Variants in MKLN1 observed in about 807,000 individuals in gnomAD.
MKLN1 encodes muskelin 1.
Under a neutral mutation model 99.0 loss-of-function variants are expected in MKLN1, and 18 were observed. The observed-to-expected ratio is 0.18, with a 90% CI of 0.13 to 0.27. The LOEUF is 0.27. Ranked by LOEUF, MKLN1 falls within the 10% of genes least tolerant of loss-of-function variation. The pLI is 1.00. For synonymous variants in MKLN1, 288 were observed against 293.2 expected (o/e 0.98, Z 0.18); for missense variants, 621 against 875.9 (o/e 0.71, Z 3.67).
At chr7:131,156,120 G>A (rs1049552958) in intron 2 of MKLN1, among the ~76,000 whole-genome samples, 7 of 152,168 alleles carry the variant, frequency 4.6e-5, no homozygotes, top group Non-Finnish European at 8.8e-5. Context: ...TGTTAGGGAT[G>A]CAAAAGTCAT....
At chr7:131,350,762 C>T (rs974642676) in intron 1 of MKLN1, among the ~76,000 whole-genome samples, 2 of 152,136 alleles carry the variant, frequency 1.3e-5, no homozygotes, top group Non-Finnish European at 2.9e-5. Context: ...GCCATATTCT[C>T]TTCATTAAAA....
At chr7:131,401,284 AC>A (rs1794535901) in intron 6 of MKLN1, among the ~76,000 whole-genome samples, 1 of 152,168 alleles carries the variant, frequency 6.6e-6, no homozygotes, top group South Asian at 2.1e-4. Context: ...TAGAAACATC[AC>A]TGTATTTACA....
At position 131,146,399 on chromosome 7, in the gene MKLN1, G is replaced by A. The variant is rs146252764; in HGVS notation, c.-297+3458G>A. 1.5e-4 allele frequency among the ~76,000 whole-genome samples: 23 copies of A among 152,242 alleles called. 1 individual carries two copies. The highest frequency in any genetic ancestry group is 5.1e-4 in the African/African-American group (21 of 41,550). On this transcript the variant is annotated intron_variant, in intron 2 of 7. Transcript: ENST00000416992. ...TAAGGACTTTCACTTCTAGAAAGCC[G>A]TTCTTTCCCACCTTGAGATCCTATC... is the stretch of plus-strand genomic sequence containing the variant.
At chr7:131,154,009 T>C (rs1416199123) in intron 2 of MKLN1, among the ~76,000 whole-genome samples, 1 of 151,978 alleles carries the variant, frequency 6.6e-6, no homozygotes, top group African/African-American at 2.4e-5. Flanking sequence ...ATCTGTAGGA[T>C]ATATTACAAA....
At chr7:131,374,679 C>T (rs916809724) in intron 1 of MKLN1, among the ~76,000 whole-genome samples, 100 of 152,164 alleles carry the variant, frequency 6.6e-4, no homozygotes, top group African/African-American at 2.2e-3. Context: ...AGTGAAAAAG[C>T]GGTCTTCTAA....
At chr7:131,144,364 C>T (rs1795785567) in intron 2 of MKLN1, among the ~76,000 whole-genome samples, 1 of 151,324 alleles carries the variant, frequency 6.6e-6, no homozygotes, top group African/African-American at 2.4e-5. Flanking sequence ...CGCCTGTAGT[C>T]CCAGCTACTC....
At chr7:131,178,990 G>A (rs1563242667) in intron 2 of MKLN1, among the ~76,000 whole-genome samples, 1 of 151,784 alleles carries the variant, frequency 6.6e-6, no homozygotes. Context: ...AGACTTACTG[G>A]CTTGATCATT....
intron 2 of MKLN1, among the ~76,000 whole-genome samples, chr7:131,166,344 A>G (rs1311091920): frequency 6.6e-6 from 1 of 152,194 alleles, no homozygotes; most frequent in Non-Finnish European, 1.5e-5. Context: ...CATTCCGAAC[A>G]CACTGGCTAA....
At chr7:131,336,235 C>G (rs1563298876) in intron 1 of MKLN1, among the ~76,000 whole-genome samples, 1 of 152,024 alleles carries the variant, frequency 6.6e-6, no homozygotes. Flanking sequence ...TCTCTCGCCT[C>G]AAAGTCTTCT....
intron 17 of MKLN1, among the ~76,000 whole-genome samples, chr7:131,481,805 A>G (rs1797126830): frequency 9.7e-6 from 1 of 103,360 alleles, no homozygotes; most frequent in South Asian, 3.6e-4. Context: ...TTCATTTTCT[A>G]AGGTCTGCAA....
chr7:131,176,050 G>A (rs1796294236), intron 2 of MKLN1, among the ~76,000 whole-genome samples: 1 of 152,096 alleles, frequency 6.6e-6, no homozygotes, highest in South Asian at 2.1e-4. Flanking sequence ...ACTATATTCA[G>A]TTCATTTCTG....
intron 2 of MKLN1, among the ~76,000 whole-genome samples, chr7:131,173,819 A>G (rs758469560): frequency 3.3e-5 from 5 of 152,170 alleles, no homozygotes; most frequent in Non-Finnish European, 7.3e-5. Context: ...CTTCTCCTGT[A>G]GGAGCTGAAT....
intron 2 of MKLN1, among the ~76,000 whole-genome samples, chr7:131,175,155 T>C (rs1408015975): frequency 2.8e-5 from 2 of 70,752 alleles, no homozygotes; most frequent in African/African-American, 6.4e-5. Context: ...GGTGGATGGA[T>C]AGATAGATAG....
At chr7:131,466,679 A>C (rs891089784) in intron 15 of MKLN1, among the ~76,000 whole-genome samples, 1 of 152,244 alleles carries the variant, frequency 6.6e-6, no homozygotes, top group Non-Finnish European at 1.5e-5. Flanking sequence ...ACATGCCTAC[A>C]TTGAAGTAAC....
At position 131,197,951 on chromosome 7, in the gene MKLN1, C is replaced by T. The variant is rs762801691; in HGVS notation, c.-296-4906C>T. On this transcript the variant is annotated intron_variant, in intron 2 of 7. Coordinates refer to the MKLN1 transcript ENST00000416992. ...CCAGGCTCAAGCTGTCCTCCCACCTCGGCCTCCTGAGTAGCTGGGACAACA... is the reference window on the plus strand; with the variant it reads ...CCAGGCTCAAGCTGTCCTCCCACCTTGGCCTCCTGAGTAGCTGGGACAACA... Among the ~76,000 whole-genome samples the T allele has an allele frequency of 2.6e-5, 4 of 152,220 alleles. No individual in the cohort carries two copies. The South Asian group carries it at 6.2e-4, about 24-fold the overall frequency.
chr7:131,437,408 T>C (rs1035238812), intron 9 of MKLN1, among the ~76,000 whole-genome samples: 1 of 152,196 alleles, frequency 6.6e-6, no homozygotes, highest in Admixed American at 6.5e-5. Flanking sequence ...AGACCAAACA[T>C]GTCTTAAAGT....
At chr7:131,377,372 G>T (rs955984686) in intron 2 of MKLN1, among the ~76,000 whole-genome samples, 5 of 152,104 alleles carry the variant, frequency 3.3e-5, no homozygotes, top group Non-Finnish European at 7.4e-5. Context: ...TGCCAGTCTA[G>T]TGGATTTTTC....
At chr7:131,190,750 T>G (rs1347721025) in intron 2 of MKLN1, among the ~76,000 whole-genome samples, 1 of 152,152 alleles carries the variant, frequency 6.6e-6, no homozygotes, top group East Asian at 1.9e-4. Context: ...TAAGACCCAC[T>G]GGTTGGGAAT....
intron 3 of MKLN1, among the ~76,000 whole-genome samples, chr7:131,311,532 T>C (rs376720836): frequency 6.6e-6 from 1 of 152,350 alleles, no homozygotes; most frequent in African/African-American, 2.4e-5. Context: ...GATTTTAACA[T>C]GCTAAATATG....
Sources: allele counts gnomAD v4.1 joint callset (sites outside exome capture counted in the v4.1 genomes callset), GRCh38; gene constraint gnomAD v4.1.1; transcripts MANE v1.5; gene names NCBI Gene and HGNC (gene_info 2026-07-23, HGNC 2026-07-21).